PGAP1: variants seen among roughly 807,000 people sequenced by gnomAD.
The protein encoded by PGAP1 is post-GPI attachment to proteins inositol deacylase 1, also known as GPI inositol-deacylase.
PGAP1 carries 76 observed loss-of-function variants against 127.0 expected under a neutral mutation model. The ratio of observed to expected loss-of-function variants is 0.60; its 90% CI spans 0.50 to 0.72. The LOEUF is 0.72. Ranked by LOEUF, PGAP1 falls within the 30% of genes least tolerant of loss-of-function variation. The pLI, the probability that PGAP1 is intolerant of heterozygous loss-of-function variation, is 0.00. For synonymous variants in PGAP1, 362 were observed against 366.5 expected, an observed-to-expected ratio of 0.99 and a Z score of 0.14; for missense variants, 982 against 1,071.3, an observed-to-expected ratio of 0.92 and a Z score of 1.16.
chr2:196,913,179 T>C, intron 3 of PGAP1, 126 bp from the exon 4 acceptor site: 1 of 794,620 alleles, frequency 1.3e-6, no homozygotes, highest in Non-Finnish European at 2.0e-6. Context: ...TAACCTCCCA[T>C]CATAAGGTAC....
In PGAP1 at chr2:196,841,014, T is replaced by A; in HGVS notation, c.*220A>T. ...ATCACCATATATCCCTTCATGAATT[T>A]TTCAAAAATGATTACTACATGGATT... On this transcript the variant is annotated 3_prime_UTR_variant, in exon 27 of 27. Coordinates refer to ENST00000354764, the MANE Select transcript of PGAP1 (RefSeq NM_024989.4). 1 of 483,690 alleles carries A rather than the reference T, an allele frequency of 2.1e-6. No homozygotes were observed. Among genetic ancestry groups the A allele is most frequent in the Non-Finnish European group, 3.6e-6 (1 of 276,518 alleles). 30.0% of individuals were successfully genotyped at this position (483,690 alleles called of 1,614,324 possible).
chr2:196,885,685 T>C (rs1701877795), intron 11 of PGAP1, 149 bp downstream of exon 11: 1 of 650,810 alleles, frequency 1.5e-6, no homozygotes. Context: ...TACTAGTATA[T>C]TCATTTCCTT....
At chr2:196,873,097 TCTAA>T (rs1207706857) in intron 16 of PGAP1, 71 bp from the exon 17 acceptor site, 2 of 547,090 alleles carry the variant, frequency 3.7e-6, no homozygotes, top group Non-Finnish European at 6.6e-6. Flanking sequence ...TACTATAATA[TCTAA>T]CTAATTATAC....
At chr2:196,862,924 G>GA (rs1246050425) in intron 20 of PGAP1, among the ~76,000 whole-genome samples, 2 of 151,778 alleles carry the variant, frequency 1.3e-5, no homozygotes, top group Admixed American at 1.3e-4. Context: ...ATCTCAAAAA[G>GA]AAAAAAGACA....
At position 196,843,907 on chromosome 2, in the gene PGAP1, A is replaced by G. The variant is rs377442526; in HGVS notation, c.2506T>C (p.Tyr836His). The change falls in exon 25 of 27, where the codon TAT (tyrosine) becomes CAT (histidine). Residue 836 changes from tyrosine (Y) to histidine (H), a missense_variant. By Grantham distance (83) the Tyr-to-His change is moderately conservative (BLOSUM62 2). Transcript: ENST00000354764. ...ACGCACCTAAGATTCTTTAGCCAAT[A>G]AATTAGAGAAGGCATGCTGAGTAAT... is the stretch of plus-strand genomic sequence containing the variant. Reference protein sequence around the residue: ...IVLLSMPSLIYWLKNLRYYFK... With the variant: ...IVLLSMPSLIHWLKNLRYYFK... 7.9e-6 allele frequency: 12 copies of G among 1,524,578 alleles called. No homozygotes were observed. The highest frequency in any genetic ancestry group is 1.1e-5 in the Non-Finnish European group (12 of 1,127,766). 94.4% of individuals were successfully genotyped at this position (1,524,578 alleles called of 1,614,324 possible).
At chr2:196,871,445 CT>C (rs1701406332) in intron 18 of PGAP1, among the ~76,000 whole-genome samples, 1 of 151,972 alleles carries the variant, frequency 6.6e-6, no homozygotes, top group Non-Finnish European at 1.5e-5. Flanking sequence ...AAAATATGGA[CT>C]TCTTGAAGAT....
intron 1 of PGAP1, among the ~76,000 whole-genome samples, chr2:196,923,520 C>G (rs115011585): frequency 0.01 from 1,549 of 152,264 alleles, 25 homozygotes; most frequent in African/African-American, 0.035. Context: ...CATAAAGACA[C>G]AAGGTATAAT....
At chr2:196,886,159 T>C (rs1027857222) in intron 10 of PGAP1, among the ~76,000 whole-genome samples, 5 of 141,030 alleles carry the variant, frequency 3.5e-5, no homozygotes, top group African/African-American at 7.8e-5. Flanking sequence ...GGTTATCTCT[T>C]TTTTTTTTTT....
Position 196,847,080 on chromosome 2 carries a change from C to T in PGAP1, c.2073G>A (p.Thr691=), listed in dbSNP as rs140419014. ...GTAGGCCACTCCAGTAGGCAGTACA[C>T]GTTCCAAACAGAAAGAGAATCAAGG... The part of the protein sequence containing the change: ...LISLILFLFG[T]CTAYWSGLLS... The change falls in exon 22 of 27, where the codon ACG becomes ACA. Residue 691 remains threonine (T), a synonymous_variant. Transcript: ENST00000354764. The T allele has an allele frequency of 2.9e-5, 47 of 1,613,662 alleles. No homozygotes were observed. The African/African-American group carries it at 4.4e-4, about 15-fold the overall frequency.
intron 7 of PGAP1, among the ~76,000 whole-genome samples, chr2:196,894,577 T>A (rs1006844015): frequency 6.6e-6 from 1 of 152,008 alleles, no homozygotes. Context: ...CCAAGACGGG[T>A]GGATCACAAG....
At chr2:196,860,289 T>C (rs1458646837) in intron 20 of PGAP1, among the ~76,000 whole-genome samples, 2 of 152,162 alleles carry the variant, frequency 1.3e-5, no homozygotes, top group Non-Finnish European at 2.9e-5. Flanking sequence ...CCCAGCACTT[T>C]GGGAGGCTGC....
intron 19 of PGAP1, among the ~76,000 whole-genome samples, chr2:196,869,491 C>T (rs1055019579): frequency 3.9e-5 from 6 of 152,076 alleles, no homozygotes; most frequent in Admixed American, 1.3e-4. Flanking sequence ...CCCGCCACCA[C>T]GTCCGGCTAA....
intron 19 of PGAP1, among the ~76,000 whole-genome samples, chr2:196,867,821 C>T (rs968478817): frequency 3.9e-5 from 6 of 152,096 alleles, no homozygotes; most frequent in Non-Finnish European, 7.4e-5. Flanking sequence ...TAAAGTCCCT[C>T]CATGAATTCC....
chr2:196,843,971 G>T lies in PGAP1; in HGVS notation c.2442C>A (p.Arg814=). The T allele has an allele frequency of 6.2e-7, 1 of 1,608,484 alleles. No individual in the cohort carries two copies. The highest frequency in any genetic ancestry group is 8.5e-7 in the Non-Finnish European group (1 of 1,176,206). ...GTAAGTTAATCACAGTACTGTGCAT[G>T]CGAAGGCTATCTTCAGCATCGTTGG... is the stretch of plus-strand genomic sequence containing the variant. ...LSANDAEDSL[R]MHSTVINLLT... is the part of the protein sequence containing the mutation. The change falls in exon 25 of 27, where the codon CGC becomes CGA. Residue 814 remains arginine, a synonymous_variant. Coordinates refer to ENST00000354764, the MANE Select transcript of PGAP1 (RefSeq NM_024989.4).
chr2:196,846,044 A>C, intron 22 of PGAP1, 27 bp from the exon 23 acceptor site: 1 of 1,376,344 alleles, frequency 7.3e-7, no homozygotes, highest in Non-Finnish European at 9.9e-7. Flanking sequence ...AAAGTTTAAA[A>C]TATATATTAA....
At chr2:196,857,723 A>C (rs1020729510) in intron 20 of PGAP1, among the ~76,000 whole-genome samples, 1 of 152,178 alleles carries the variant, frequency 6.6e-6, no homozygotes, top group Admixed American at 6.5e-5. Context: ...ACTAACACAA[A>C]AGACTGCAAC....
chr2:196,849,654 A>G (rs1700661019), intron 20 of PGAP1, among the ~76,000 whole-genome samples: 5 of 152,146 alleles, frequency 3.3e-5, no homozygotes, highest in Admixed American at 3.3e-4. Flanking sequence ...TATAGGTTAA[A>G]TCAGGTTAAA....
intron 13 of PGAP1, among the ~76,000 whole-genome samples, chr2:196,877,113 T>G (rs1190207790): frequency 3.3e-5 from 5 of 152,100 alleles, no homozygotes; most frequent in Admixed American, 2.6e-4. Context: ...TGGCTATGCC[T>G]TTAGTTTTGC....
At chr2:196,854,769 A>C (rs1029167830) in intron 20 of PGAP1, among the ~76,000 whole-genome samples, 1 of 152,130 alleles carries the variant, frequency 6.6e-6, no homozygotes, top group African/African-American at 2.4e-5. Flanking sequence ...AACCTTAACA[A>C]GAACTCTTTC....
Sources: gnomAD v4.1 joint callset for allele counts (sites outside exome capture counted in the v4.1 genomes callset) on GRCh38, gnomAD v4.1.1 for gene constraint, MANE v1.5 for transcripts, NCBI Gene and HGNC (gene_info 2026-07-23, HGNC 2026-07-21) for gene names.